SLC35F3: variants seen among roughly 807,000 people sequenced by gnomAD.
The protein encoded by SLC35F3 is solute carrier family 35 member F3.
In SLC35F3, 25 loss-of-function variants were observed where a neutral mutation model predicts 49.9. The observed-to-expected ratio is 0.50, with a 90% CI of 0.37 to 0.70. The LOEUF (loss-of-function observed/expected upper bound fraction) is 0.70, where lower values mean the gene tolerates loss of function less well. Among genes scored for constraint, SLC35F3 ranks in the 30% least tolerant of loss-of-function variants. The pLI, the probability that SLC35F3 is intolerant of heterozygous loss-of-function variation, is 0.00. For synonymous variants in SLC35F3, 275 were observed against 265.4 expected (o/e 1.04, Z -0.35); for missense variants, 525 against 639.8 (o/e 0.82, Z 1.94).
intron 2 of SLC35F3, among the ~76,000 whole-genome samples, chr1:233,923,950 T>C (rs938009882): frequency 1.3e-5 from 2 of 152,174 alleles, no homozygotes; most frequent in African/African-American, 4.8e-5. Context: ...TTACGTTTGT[T>C]GATTTGTGTA....
intron 2 of SLC35F3, among the ~76,000 whole-genome samples, chr1:234,149,448 G>A (rs1386554353): frequency 6.6e-6 from 1 of 152,134 alleles, no homozygotes; most frequent in Admixed American, 6.5e-5. Context: ...CTGACTGTTT[G>A]GGGATATTCC....
intron 2 of SLC35F3, among the ~76,000 whole-genome samples, chr1:234,198,009 C>T (rs1174082811): frequency 1.3e-5 from 2 of 152,180 alleles, no homozygotes; most frequent in African/African-American, 4.8e-5. Context: ...AAGCCTCTGC[C>T]AGATTTTTCT....
At chr1:233,927,120 A>G (rs551270665) in intron 2 of SLC35F3, among the ~76,000 whole-genome samples, 45 of 152,142 alleles carry the variant, frequency 3.0e-4, no homozygotes, top group Non-Finnish European at 5.3e-4. Flanking sequence ...ATAACATTGT[A>G]TTGTCTAGCT....
At chr1:233,905,878 A>AT in intron 2 of SLC35F3, 120 bp downstream of exon 2, 1 of 943,878 alleles carries the variant, frequency 1.1e-6, no homozygotes, top group East Asian at 2.6e-5. Flanking sequence ...CTGCCTGCTG[A>AT]TACAGACCCA....
intron 2 of SLC35F3, among the ~76,000 whole-genome samples, chr1:234,119,746 C>A (rs1467248909): frequency 6.6e-6 from 1 of 152,156 alleles, no homozygotes. Context: ...GGGAAATGAA[C>A]AGGATAGTCA....
intron 2 of SLC35F3, among the ~76,000 whole-genome samples, chr1:233,911,569 G>T (rs563901180): frequency 7.2e-5 from 11 of 152,124 alleles, no homozygotes; most frequent in African/African-American, 2.7e-4. Context: ...TTAAGGAAAC[G>T]AGGTGACCCC....
At chr1:234,120,568 A>G (rs1665555432) in intron 2 of SLC35F3, among the ~76,000 whole-genome samples, 1 of 152,256 alleles carries the variant, frequency 6.6e-6, no homozygotes, top group Non-Finnish European at 1.5e-5. Context: ...TGCCAGAAGT[A>G]GCCAAGTTAC....
At chr1:233,966,407 C>A (rs1459422468) in intron 2 of SLC35F3, among the ~76,000 whole-genome samples, 1 of 152,102 alleles carries the variant, frequency 6.6e-6, no homozygotes. Context: ...GAGGCCCCAT[C>A]TGGATGAGTA....
chr1:234,012,027 G>A (rs553994054), intron 2 of SLC35F3, among the ~76,000 whole-genome samples: 24 of 152,248 alleles, frequency 1.6e-4, no homozygotes, highest in South Asian at 4.2e-4. Flanking sequence ...AGAAGAATGC[G>A]GTAGGAGAGC....
At chr1:233,923,422 G>A (rs1439330543) in intron 2 of SLC35F3, among the ~76,000 whole-genome samples, 1 of 152,122 alleles carries the variant, frequency 6.6e-6, no homozygotes, top group Non-Finnish European at 1.5e-5. Context: ...GTGAATGGGA[G>A]TTCACTCATG....
In SLC35F3 at chr1:234,231,377, G is replaced by A; in HGVS notation, c.284-40G>A. The A allele has an allele frequency of 6.9e-7, 1 of 1,439,542 alleles. No individual in the cohort carries two copies. Among genetic ancestry groups the A allele is most frequent in the Non-Finnish European group, 9.2e-7 (1 of 1,087,458 alleles). The allele number at this position is 1,439,542 out of a possible 1,614,324, so 89.2% of individuals were successfully genotyped here. On this transcript the variant is annotated intron_variant, in intron 2 of 7. Coordinates refer to ENST00000366618, the MANE Select transcript of SLC35F3 (RefSeq NM_173508.4). The surrounding 1 kb of genome is among the most constrained non-coding windows in gnomAD (Gnocchi z 5.4). ...GCGCCCTGCGAAGTGCAGGGGTGAA[G>A]GTCTGCAGGCCCCGCTAACCACGCC...
chr1:234,299,370 A>G (rs1453667288), intron 3 of SLC35F3, among the ~76,000 whole-genome samples: 13 of 152,162 alleles, frequency 8.5e-5, no homozygotes. Flanking sequence ...ATGACCTAAG[A>G]GTAAAGGGGG....
chr1:234,286,071 G>T (rs575536361), intron 3 of SLC35F3, among the ~76,000 whole-genome samples: 1 of 152,176 alleles, frequency 6.6e-6, no homozygotes, highest in African/African-American at 2.4e-5. Flanking sequence ...AAATCAGAGA[G>T]CATAGTGATA....
At chr1:234,108,566 A>G (rs1558231624) in intron 2 of SLC35F3, among the ~76,000 whole-genome samples, 1 of 110,024 alleles carries the variant, frequency 9.1e-6, no homozygotes, top group East Asian at 8.3e-4. Flanking sequence ...TAAAAGATAT[A>G]TATTATTTAT....
At chr1:233,918,870 C>A (rs1049881780) in intron 2 of SLC35F3, among the ~76,000 whole-genome samples, 8 of 148,848 alleles carry the variant, frequency 5.4e-5, no homozygotes, top group African/African-American at 2.0e-4. Flanking sequence ...ATTTCTTGTG[C>A]TTAATAGTAC....
chr1:234,264,625 A>G (rs891396644), intron 3 of SLC35F3, among the ~76,000 whole-genome samples: 27 of 152,290 alleles, frequency 1.8e-4, no homozygotes, highest in African/African-American at 6.3e-4. Context: ...TAGCTCCATC[A>G]TTACTACAGC....
chr1:234,200,855 CT>C (rs1222550303), intron 2 of SLC35F3, among the ~76,000 whole-genome samples: 1 of 152,230 alleles, frequency 6.6e-6, no homozygotes, highest in Non-Finnish European at 1.5e-5. Flanking sequence ...TGTTTATGCA[CT>C]TCTGGAGGTA....
At chr1:234,060,768 T>G (rs1664528290) in intron 2 of SLC35F3, among the ~76,000 whole-genome samples, 2 of 152,192 alleles carry the variant, frequency 1.3e-5, no homozygotes, top group Non-Finnish European at 2.9e-5. Flanking sequence ...CTATTTATTT[T>G]TAATCACTTC....
intron 2 of SLC35F3, among the ~76,000 whole-genome samples, chr1:234,218,230 TC>T (rs1667152089): frequency 6.6e-6 from 1 of 152,174 alleles, no homozygotes; most frequent in South Asian, 2.1e-4. Context: ...ATCAACTCAT[TC>T]ATGTTCAGTG....
Sources: gnomAD v4.1 joint callset for allele counts (sites outside exome capture counted in the v4.1 genomes callset) on GRCh38, gnomAD v4.1.1 for gene constraint, Gnocchi (gnomAD v3.1) non-coding constraint, MANE v1.5 for transcripts, NCBI Gene and HGNC (gene_info 2026-07-23, HGNC 2026-07-21) for gene names.